VPS13C: variants seen among roughly 807,000 people sequenced by gnomAD.
The protein encoded by VPS13C is vacuolar protein sorting 13 homolog C.
VPS13C carries 358 observed loss-of-function variants against 456.8 expected under a neutral mutation model. That is an observed-to-expected ratio of 0.78 (90% CI 0.72 to 0.86). The LOEUF (loss-of-function observed/expected upper bound fraction) is 0.86, where lower values mean the gene tolerates loss of function less well. VPS13C is among the 40% of genes least tolerant of loss of function. VPS13C has a pLI of 0.00. For synonymous variants in VPS13C, 1,578 were observed against 1,486.7 expected, an observed-to-expected ratio of 1.06 and a Z score of -1.41; for missense variants, 4,818 against 4,385.4, an observed-to-expected ratio of 1.10 and a Z score of -2.79.
intron 32 of VPS13C, among the ~76,000 whole-genome samples, 200 bp from the exon 33 acceptor site, chr15:61,963,052 G>A (rs192272799): frequency 8.5e-5 from 13 of 152,080 alleles, no homozygotes; most frequent in African/African-American, 3.1e-4. Flanking sequence ...CAATGATTAT[G>A]TGACTTTTCA....
chr15:61,917,508 C>G lies in VPS13C; in HGVS notation c.7888G>C (p.Val2630Leu), dbSNP rs1311656691. 6.2e-7 allele frequency: 1 copy of G among 1,614,048 alleles called. No homozygotes were observed. The highest frequency in any genetic ancestry group is 8.5e-7 in the Non-Finnish European group (1 of 1,179,934). ...EVRCMLQCPS[V>L]EVSFLPLIVN... ...ATGAGAGGTAAGAAGCTGACTTCTA[C>G]TGATGGACACTGCAACATGCATCTG... Residue 2630 changes from valine (V) to leucine (L), a missense_variant, in exon 60 of 85, where the codon GTA becomes CTA. By Grantham distance (32) the Val-to-Leu change is conservative. This residue lies in a region of VPS13C where 4,552 missense variants were observed against 4,130.6 expected (regional missense o/e 1.10). Transcript: ENST00000644861.
chr15:61,918,338 T>A, intron 58 of VPS13C, 81 bp from the exon 59 acceptor site: 2 of 1,302,078 alleles, frequency 1.5e-6, no homozygotes, highest in South Asian at 1.7e-5. Flanking sequence ...ACAAATACTT[T>A]TAGATCTAAA....
At chr15:61,951,707 A>G in intron 39 of VPS13C, 117 bp downstream of exon 39, 1 of 1,112,378 alleles carries the variant, frequency 9.0e-7, no homozygotes, top group Admixed American at 3.2e-5. Flanking sequence ...TGAAAAGTTG[A>G]GTTAATGTAC....
At chr15:61,865,624 A>G (rs539292494) in intron 81 of VPS13C, 2 of 462,924 alleles carry the variant, frequency 4.3e-6, no homozygotes, top group East Asian at 1.6e-4. Context: ...ATGTATGTGT[A>G]CATATGGGTA....
chr15:61,894,981 G>T (rs997563555), intron 66 of VPS13C, among the ~76,000 whole-genome samples: 1 of 152,038 alleles, frequency 6.6e-6, no homozygotes, highest in African/African-American at 2.4e-5. Context: ...CACAAAACAA[G>T]TCTCAAAAAA....
intron 16 of VPS13C, among the ~76,000 whole-genome samples, chr15:61,998,177 T>A (rs1329613854): frequency 6.6e-6 from 1 of 152,204 alleles, no homozygotes; most frequent in Non-Finnish European, 1.5e-5. Flanking sequence ...GGTTATACCT[T>A]TCCCTTAGAT....
chr15:61,906,815 C>T (rs1456549104), intron 66 of VPS13C: 1 of 171,610 alleles, frequency 5.8e-6, no homozygotes, highest in Non-Finnish European at 1.3e-5. Context: ...AATATTGTTT[C>T]GATAAATATT....
At chr15:61,976,553 G>A (rs1012678092) in intron 24 of VPS13C, among the ~76,000 whole-genome samples, 1 of 151,922 alleles carries the variant, frequency 6.6e-6, no homozygotes, top group African/African-American at 2.4e-5. Context: ...TGGAGATGGT[G>A]TGTTCATTGT....
At chr15:62,017,364 C>T (rs1335246690) in intron 9 of VPS13C, among the ~76,000 whole-genome samples, 1 of 152,072 alleles carries the variant, frequency 6.6e-6, no homozygotes, top group Non-Finnish European at 1.5e-5. Context: ...CTTGCCCATG[C>T]CTATGTCCTG....
chr15:61,911,258 CT>C (rs2043293785), intron 63 of VPS13C, among the ~76,000 whole-genome samples: 3 of 152,292 alleles, frequency 2.0e-5, no homozygotes, highest in African/African-American at 7.2e-5. Context: ...GCATGAACAG[CT>C]TAGTTCAAAT....
intron 9 of VPS13C, among the ~76,000 whole-genome samples, chr15:62,016,418 C>A (rs1047662239): frequency 8.9e-6 from 1 of 112,504 alleles, no homozygotes; most frequent in Non-Finnish European, 1.7e-5. Flanking sequence ...CTATCCCTCC[C>A]CCCTCCCCCG....
chr15:61,858,930 G>C lies in VPS13C; in HGVS notation c.10953-2521C>G, dbSNP rs1160717620. Among the ~76,000 whole-genome samples, 1 of 152,168 alleles carries C rather than the reference G, an allele frequency of 6.6e-6. No individual in the cohort carries two copies. Among genetic ancestry groups the C allele is most frequent in the African/African-American group, 2.4e-5 (1 of 41,442 alleles). Reference sequence around the variant, plus strand: ...TTGCCTCTGGACTGATTCTCTTCCAGTATAACATCCAAACCGCCAAGGATC... The same window carrying C: ...TTGCCTCTGGACTGATTCTCTTCCACTATAACATCCAAACCGCCAAGGATC... On this transcript the variant is annotated intron_variant, in intron 82 of 84. Coordinates refer to ENST00000644861, the MANE Select transcript of VPS13C (RefSeq NM_020821.3). The surrounding 1 kb of genome is among the most constrained non-coding windows in gnomAD (Gnocchi z 4.4).
chr15:61,942,297 T>A (rs2044455643), intron 45 of VPS13C, among the ~76,000 whole-genome samples: 1 of 151,588 alleles, frequency 6.6e-6, no homozygotes, highest in Non-Finnish European at 1.5e-5. Context: ...TTTTTCATTT[T>A]ATAAAATATT....
intron 37 of VPS13C, among the ~76,000 whole-genome samples, chr15:61,956,022 C>T (rs554684089): frequency 6.6e-6 from 1 of 152,148 alleles, no homozygotes; most frequent in Admixed American, 6.6e-5. Context: ...GACCACATGC[C>T]CTCACCTATT....
chr15:61,854,411 A>G lies in VPS13C; in HGVS notation c.*46T>C. 6.6e-7 allele frequency: 1 copy of G among 1,510,260 alleles called. No homozygotes were observed. The highest frequency in any genetic ancestry group is 9.2e-7 in the Non-Finnish European group (1 of 1,085,288). The allele number at this position is 1,510,260 out of a possible 1,614,324, so 93.6% of individuals were successfully genotyped here. On this transcript the variant is annotated 3_prime_UTR_variant, in exon 85 of 85. Transcript: ENST00000644861. Reference sequence around the variant, plus strand: ...TAAAGCAGAGTGACTTATAGACAAGACCAGTGATTGTTTTTTCTCCCTGTT... The same window carrying G: ...TAAAGCAGAGTGACTTATAGACAAGGCCAGTGATTGTTTTTTCTCCCTGTT...
intron 37 of VPS13C, among the ~76,000 whole-genome samples, chr15:61,956,303 C>A (rs1310667098): frequency 1.4e-5 from 2 of 142,166 alleles, no homozygotes; most frequent in African/African-American, 5.3e-5. Flanking sequence ...AAGATGGGAA[C>A]AACAGACACT....
At chr15:61,892,783 T>G (rs11629741) in intron 66 of VPS13C, among the ~76,000 whole-genome samples, 1 of 151,976 alleles carries the variant, frequency 6.6e-6, no homozygotes, top group African/African-American at 2.4e-5. Flanking sequence ...ATCAGTGAAA[T>G]TGAAACAGAC....
At chr15:61,999,950 T>C (rs1408211684) in intron 16 of VPS13C, among the ~76,000 whole-genome samples, 1 of 148,774 alleles carries the variant, frequency 6.7e-6, no homozygotes, top group East Asian at 2.0e-4. Context: ...TACGCAGGTA[T>C]ATAAGCATGG....
At chr15:61,996,607 G>A (rs62006965) in intron 16 of VPS13C, among the ~76,000 whole-genome samples, 1 of 151,806 alleles carries the variant, frequency 6.6e-6, no homozygotes, top group Non-Finnish European at 1.5e-5. Flanking sequence ...TGACATAAAG[G>A]CAAACACACT....
Sources: allele counts gnomAD v4.1 joint callset (sites outside exome capture counted in the v4.1 genomes callset), GRCh38; gene constraint gnomAD v4.1.1; regional missense constraint gnomAD v4.1.1; non-coding constraint Gnocchi (gnomAD v3.1); transcripts MANE v1.5; gene names NCBI Gene and HGNC (gene_info 2026-07-23, HGNC 2026-07-21).